DGAT1: variants seen among roughly 807,000 people sequenced by gnomAD.
DGAT1 encodes the protein ACAT related gene product 1.
A neutral mutation model predicts 72.6 loss-of-function variants in DGAT1; 60 were observed. That is an observed-to-expected ratio of 0.83 (90% CI 0.67 to 1.02). DGAT1 has a LOEUF of 1.02. DGAT1 is among the 50% of genes least tolerant of loss of function. The pLI, the probability that DGAT1 is intolerant of heterozygous loss-of-function variation, is 0.00. For missense variants in DGAT1, 592 were observed against 670.0 expected (o/e 0.88, Z 1.29); for synonymous variants, 290 against 267.5 (o/e 1.08, Z -0.82).
chr8:144,315,980 G>C lies in DGAT1; in HGVS notation c.*574C>G. ...AAACCCAGGGCCGACCTCTTCCCAA[G>C]CTGAAGCTGAGCACGGTGGGTGCAA... is the stretch of plus-strand genomic sequence containing the variant. On this transcript the variant is annotated 3_prime_UTR_variant, in exon 17 of 17. Coordinates refer to ENST00000528718, the MANE Select transcript of DGAT1 (RefSeq NM_012079.6). The C allele has an allele frequency of 2.0e-6, 2 of 982,066 alleles. No individual in the cohort carries two copies. Among genetic ancestry groups the C allele is most frequent in the Non-Finnish European group, 2.4e-6 (2 of 826,578 alleles). 60.8% of individuals were successfully genotyped at this position (982,066 alleles called of 1,614,324 possible).
chr8:144,325,150 G>A (rs1003543155), intron 1 of DGAT1, among the ~76,000 whole-genome samples: 8 of 151,960 alleles, frequency 5.3e-5, no homozygotes, highest in Non-Finnish European at 1.0e-4. Context: ...CTGGAGAGAG[G>A]GTAACTCCAG....
chr8:144,318,841 C>T lies in DGAT1; in HGVS notation c.409G>A (p.Val137Ile). The T allele has an allele frequency of 6.2e-7, 1 of 1,612,158 alleles. No individual in the cohort carries two copies. The highest frequency in any genetic ancestry group is 8.5e-7 in the Non-Finnish European group (1 of 1,179,188). ...TCCTCAGAGCCCAGCTCACCAATAA[C>T]CAGGCATGGGGCGGGCCAGCTATAG... is the stretch of plus-strand genomic sequence containing the variant. ...DPYSWPAPCL[V>I]IAANVFAVAA... Residue 137 changes from valine to isoleucine, a missense_variant, in exon 4 of 17, where the codon GTT (valine) becomes ATT (isoleucine). Val to Ile is a conservative substitution (Grantham distance 29). Transcript: ENST00000528718.
Position 144,318,153 on chromosome 8 carries a change from C to T in DGAT1, c.693G>A (p.Lys231=), listed in dbSNP as rs1554847524. ...TGTGCGGGGCAGCAGCACTGCTGGCCTTCTTCCCTGCAGAGGCTACGAGCA... is the reference window on the plus strand; with the variant it reads ...TGTGCGGGGCAGCAGCACTGCTGGCTTTCTTCCCTGCAGAGGCTACGAGCA... ...ARAKAASAGK[K]ASSAAAPHTV... The change falls in exon 8 of 17, where the codon AAG becomes AAA. Residue 231 remains lysine (K), a synonymous_variant. Transcript: ENST00000528718. 1.9e-6 allele frequency: 3 copies of T among 1,585,686 alleles called. No homozygotes were observed. Among genetic ancestry groups the T allele is most frequent in the Admixed American group, 1.8e-5 (1 of 55,902 alleles).
At position 144,318,105 on chromosome 8, in the gene DGAT1, C is replaced by T; in HGVS notation, c.741G>A (p.Leu247=). 1 of 1,534,902 alleles carries T rather than the reference C, an allele frequency of 6.5e-7. No homozygotes were observed. ...APHTVSYPDN[L]TYRDLYYFLF... ...CACAGAGGTCCTCACCGCGGTAGGTCAGATTGTCCGGGTAGCTCACGGTGT... is the reference window on the plus strand; with the variant it reads ...CACAGAGGTCCTCACCGCGGTAGGTTAGATTGTCCGGGTAGCTCACGGTGT... Residue 247 remains leucine, a synonymous_variant, in exon 8 of 17, where the codon CTG becomes CTA. Coordinates refer to ENST00000528718, the MANE Select transcript of DGAT1 (RefSeq NM_012079.6).
chr8:144,325,875 C>T (rs1350855391), intron 1 of DGAT1, among the ~76,000 whole-genome samples: 1 of 152,180 alleles, frequency 6.6e-6, no homozygotes, highest in African/African-American at 2.4e-5. Context: ...GAATGGGCCA[C>T]GCAGCCACTC....
rs1487655734 is a variant in DGAT1 at position 144,317,966 on chromosome 8, G to A, written c.803C>T (p.Pro268Leu). 3.9e-6 allele frequency: 6 copies of A among 1,519,724 alleles called. No individual in the cohort carries two copies. Among genetic ancestry groups the A allele is most frequent in the African/African-American group, 1.4e-5 (1 of 71,722 alleles). The allele number at this position is 1,519,724 out of a possible 1,614,324, so 94.1% of individuals were successfully genotyped here. ...GCGCTTCCGGATGCGGGGAGAGCGGGGAAAGTTGAGCTCGTAGCACAAGGT... is the reference window on the plus strand; with the variant it reads ...GCGCTTCCGGATGCGGGGAGAGCGGAGAAAGTTGAGCTCGTAGCACAAGGT... ...APTLCYELNF[P>L]RSPRIRKRFL... is the part of the protein sequence containing the mutation. Residue 268 changes from proline (P) to leucine (L), a missense_variant, in exon 9 of 17, where the codon CCC becomes CTC. By Grantham distance (98) the Pro-to-Leu change is moderately conservative. Coordinates refer to ENST00000528718, the MANE Select transcript of DGAT1 (RefSeq NM_012079.6).
Position 144,318,272 on chromosome 8 carries a change from C to T in DGAT1, c.665G>A (p.Arg222Lys), listed in dbSNP as rs1213164340. 2 of 1,612,784 alleles carry T rather than the reference C, an allele frequency of 1.2e-6. No individual in the cohort carries two copies. Among genetic ancestry groups the T allele is most frequent in the East Asian group, 4.5e-5 (2 of 44,880 alleles). ...TGGCAGCCCCTCACCAGCCTTGGCC[C>T]TGGCCCTGCGGCACCATGAGTTGAC... ...RDVNSWCRRARAKAASAGKKA... is the reference protein window; with the variant it reads ...RDVNSWCRRAKAKAASAGKKA... Residue 222 changes from arginine (R) to lysine (K), a missense_variant, in exon 7 of 17, where the codon AGG becomes AAG. Transcript: ENST00000528718.
intron 1 of DGAT1, among the ~76,000 whole-genome samples, chr8:144,322,529 GCAGT>G (rs1461246688): frequency 6.6e-6 from 1 of 152,212 alleles, no homozygotes; most frequent in East Asian, 1.9e-4. Flanking sequence ...ATTGGGGTCG[GCAGT>G]CAGACGGCCC....
chr8:144,318,883 G>A lies in DGAT1; in HGVS notation c.367C>T (p.Leu123=). The A allele has an allele frequency of 6.2e-7, 1 of 1,611,834 alleles. No homozygotes were observed. Among genetic ancestry groups the A allele is most frequent in the South Asian group, 1.1e-5 (1 of 90,898 alleles). The part of the protein sequence containing the change: ...ILVDPIQVVS[L]FLKDPYSWPA... ...CAGCTATAGGGATCCTTCAGGAACA[G>A]AGAAACCACCTGGATGGGGTCCACC... The change falls in exon 4 of 17, where the codon CTG becomes TTG. Residue 123 remains leucine (L), a synonymous_variant. Transcript: ENST00000528718.
chr8:144,325,363 A>G (rs1817572489), intron 1 of DGAT1, among the ~76,000 whole-genome samples: 1 of 152,162 alleles, frequency 6.6e-6, no homozygotes, highest in African/African-American at 2.4e-5. Context: ...TGAACTGAGC[A>G]CCCTGAGGGC....
Position 144,316,897 on chromosome 8 carries a change from G to A in DGAT1, c.1267C>T (p.Leu423=), listed in dbSNP as rs1224717418. The A allele has an allele frequency of 1.2e-6, 2 of 1,612,236 alleles. No individual in the cohort carries two copies. Among genetic ancestry groups the A allele is most frequent in the African/African-American group, 2.7e-5 (2 of 74,914 alleles). The part of the protein sequence containing the change: ...FFHEYLVSVP[L]RMFRLWAFTG... ...AACGCCCAGAGGCGGAACATTCGCA[G>A]AGGGACGCTCACCAGGTACTGAGAT... Residue 423 remains leucine, a synonymous_variant, in exon 16 of 17, where the codon CTG becomes TTG. Transcript: ENST00000528718.
rs1554847334 is a variant in DGAT1, at chr8:144,317,559, G to A, written c.966C>T (p.Arg322=). The A allele has an allele frequency of 6.8e-6, 11 of 1,613,906 alleles. No homozygotes were observed. Among genetic ancestry groups the A allele is most frequent in the Admixed American group, 1.7e-5 (1 of 60,022 alleles). Residue 322 remains arginine, a synonymous_variant, in exon 12 of 17, where the codon CGC becomes CGT. Coordinates refer to ENST00000528718, the MANE Select transcript of DGAT1 (RefSeq NM_012079.6). ...KDMDYSRIIE[R]LLKLAVPNHL... is the part of the protein sequence containing the mutation. Reference sequence around the variant, plus strand: ...CCGCACTCACCGCCAGCTTCAGGAGGCGCTCGATGATGCGTGAGTAGTCCA... The same window carrying A: ...CCGCACTCACCGCCAGCTTCAGGAGACGCTCGATGATGCGTGAGTAGTCCA...
rs1460684342 is a variant in DGAT1 at position 144,316,611 on chromosome 8, G to A, written c.1410C>T (p.Leu470=). ...GCACGTAGTAGTCGTGGACGTACAT[G>A]AGGACGGCTATTGGCTGTCCGATGA... The part of the protein sequence containing the change: ...SLIIGQPIAV[L]MYVHDYYVLN... The change falls in exon 17 of 17, where the codon CTC becomes CTT. Residue 470 remains leucine (L), a synonymous_variant. Coordinates refer to ENST00000528718, the MANE Select transcript of DGAT1 (RefSeq NM_012079.6). The A allele has an allele frequency of 1.9e-6, 3 of 1,607,868 alleles. No homozygotes were observed. The African/African-American group carries it at 4.0e-5, about 21-fold the overall frequency.
Position 144,326,843 on chromosome 8 carries a change from G to A in DGAT1, c.-207C>T. The A allele has an allele frequency of 3.8e-6, 1 of 266,206 alleles. No individual in the cohort carries two copies. The highest frequency in any genetic ancestry group is 6.5e-6 in the Non-Finnish European group (1 of 153,756). 16.5% of individuals were successfully genotyped at this position (266,206 alleles called of 1,614,324 possible). ...AGGACAACGGCTGCGTTGCTCCGGA[G>A]CCGCTAACTAATGGACGGCCGCCTC... On this transcript the variant is annotated 5_prime_UTR_variant, in exon 1 of 17. Transcript: ENST00000528718.
At chr8:144,321,096 G>A (rs1302622223) in intron 2 of DGAT1, among the ~76,000 whole-genome samples, 2 of 152,232 alleles carry the variant, frequency 1.3e-5, no homozygotes, top group African/African-American at 2.4e-5. Flanking sequence ...AGTATGTGGT[G>A]CATGGGCACC....
chr8:144,326,306 G>A (rs1554848755), intron 1 of DGAT1, 131 bp downstream of exon 1: 3 of 852,022 alleles, frequency 3.5e-6, no homozygotes, highest in African/African-American at 3.6e-5. Flanking sequence ...TTCCCCACAG[G>A]GCCCATAGGG....
At position 144,316,413 on chromosome 8, in the gene DGAT1, TA is replaced by T. The variant is rs1817223067; in HGVS notation, c.*140del. On this transcript the variant is annotated 3_prime_UTR_variant, in exon 17 of 17. Transcript: ENST00000528718. ...CTGAGGGGTGCAGGACAGAGCCCCA[TA>T]GGGGCAGAGAGGCCTCCCTGGGACC... 9.4e-6 allele frequency: 10 copies of T among 1,060,286 alleles called. No homozygotes were observed. The highest frequency in any genetic ancestry group is 1.2e-5 in the Non-Finnish European group (9 of 753,598). The allele number at this position is 1,060,286 out of a possible 1,614,324, so 65.7% of individuals were successfully genotyped here. A position where few individuals can be genotyped will look rare whatever the true frequency, so the allele number is the denominator to read the frequency against.
At chr8:144,319,096 C>T (rs1018816826) in intron 2 of DGAT1, 28 bp from the exon 3 acceptor site, 5 of 1,551,292 alleles carry the variant, frequency 3.2e-6, no homozygotes, top group Non-Finnish European at 8.7e-7. Context: ...GAGGGTGCAG[C>T]CCCTTTAGTC....
chr8:144,326,728 C>G lies in DGAT1; in HGVS notation c.-92G>C. 2 of 1,030,708 alleles carry G rather than the reference C, an allele frequency of 1.9e-6. No homozygotes were observed. The highest frequency in any genetic ancestry group is 2.4e-6 in the Non-Finnish European group (2 of 842,680). The allele number at this position is 1,030,708 out of a possible 1,614,324, so 63.8% of individuals were successfully genotyped here. ...GGCCCCACCTCCGGGCCCTAGACAACGGCCGCCACTGCCCCCTGCCGGCCG... is the reference window on the plus strand; with the variant it reads ...GGCCCCACCTCCGGGCCCTAGACAAGGGCCGCCACTGCCCCCTGCCGGCCG... On this transcript the variant is annotated 5_prime_UTR_variant, in exon 1 of 17. Coordinates refer to ENST00000528718, the MANE Select transcript of DGAT1 (RefSeq NM_012079.6).
Sources: allele counts gnomAD v4.1 joint callset (sites outside exome capture counted in the v4.1 genomes callset), GRCh38; gene constraint gnomAD v4.1.1; transcripts MANE v1.5; gene names NCBI Gene and HGNC (gene_info 2026-07-23, HGNC 2026-07-21).